SMC5: variants seen among roughly 807,000 people sequenced by gnomAD.
The protein encoded by SMC5 is structural maintenance of chromosomes 5, also known as structural maintenance of chromosomes protein 5.
Under a neutral mutation model 148.3 loss-of-function variants are expected in SMC5, and 88 were observed. That is an observed-to-expected ratio of 0.59 (90% confidence interval 0.50 to 0.71). The LOEUF is 0.71. Ranked by LOEUF, SMC5 falls within the 30% of genes least tolerant of loss-of-function variation. The pLI is 0.00. For missense variants in SMC5, 1,142 were observed against 1,298.9 expected, an observed-to-expected ratio of 0.88 and a Z score of 1.86; for synonymous variants, 421 against 432.8, an observed-to-expected ratio of 0.97 and a Z score of 0.34.
At position 70,344,541 on chromosome 9, in the gene SMC5, C is replaced by T. The variant is rs1408657224; in HGVS notation, c.2523+272C>T. On this transcript the variant is annotated intron_variant, in intron 18 of 24. Coordinates refer to ENST00000361138, the MANE Select transcript of SMC5 (RefSeq NM_015110.4). ...TATAGTTTTTCATGGAAACATTGTACCAGTAATTGGTATATCAGAAATAAT... is the reference window on the plus strand; with the variant it reads ...TATAGTTTTTCATGGAAACATTGTATCAGTAATTGGTATATCAGAAATAAT... The T allele has an allele frequency of 2.5e-5, 4 of 163,156 alleles. No homozygotes were observed. The Admixed American group carries it at 2.6e-4, about 11-fold the overall frequency. The allele number at this position is 163,156 out of a possible 1,614,324, so 10.1% of individuals were successfully genotyped here.
rs2034000950 is a variant in SMC5 at position 70,258,989 on chromosome 9, G to A, written c.-90G>A. The A allele has an allele frequency of 4.9e-6, 7 of 1,426,164 alleles. No individual in the cohort carries two copies. Among genetic ancestry groups the A allele is most frequent in the Non-Finnish European group, 6.5e-6 (7 of 1,076,950 alleles). 88.3% of individuals were successfully genotyped at this position (1,426,164 alleles called of 1,614,324 possible). A position where few individuals can be genotyped will look rare whatever the true frequency, so the allele number is the denominator to read the frequency against. On this transcript the variant is annotated 5_prime_UTR_variant, in exon 1 of 25. Coordinates refer to ENST00000361138, the MANE Select transcript of SMC5 (RefSeq NM_015110.4). ...TAACAGTTCGCGGCAGTTCGCGCGG[G>A]AGCGGGGCGCCTGGGTGGATGGGCG... is the stretch of plus-strand genomic sequence containing the variant.
At chr9:70,321,394 C>CTTTT (rs11390673) in intron 15 of SMC5, among the ~76,000 whole-genome samples, 1 of 135,918 alleles carries the variant, frequency 7.4e-6, no homozygotes, top group South Asian at 2.4e-4. Flanking sequence ...TGTCAAATGT[C>CTTTT]TTTTTTTTTT....
intron 11 of SMC5, among the ~76,000 whole-genome samples, chr9:70,309,339 T>C (rs990750684): frequency 2.9e-3 from 301 of 105,162 alleles, no homozygotes; most frequent in Non-Finnish European, 4.7e-3. Context: ...TTTTTTTTTT[T>C]TTTTTTTTTT....
At position 70,267,859 on chromosome 9, in the gene SMC5, A is replaced by G. The variant is rs142393538; in HGVS notation, c.328-64A>G. 1.4e-4 allele frequency: 197 copies of G among 1,409,222 alleles called. 1 individual carries two copies. The East Asian group carries it at 4.5e-3, about 32-fold the overall frequency. 87.3% of individuals were successfully genotyped at this position (1,409,222 alleles called of 1,614,324 possible). On this transcript the variant is annotated intron_variant, in intron 2 of 24. Coordinates refer to ENST00000361138, the MANE Select transcript of SMC5 (RefSeq NM_015110.4). ...GATTTGACAAATAATAATGACTGCT[A>G]AATCTCTGATTGTTAACCTGGGAAT...
intron 6 of SMC5, among the ~76,000 whole-genome samples, chr9:70,281,835 G>A (rs2118181053): frequency 6.6e-6 from 1 of 151,412 alleles, no homozygotes; most frequent in East Asian, 1.9e-4. Flanking sequence ...TTCTAAGATT[G>A]ATTTACCTTT....
chr9:70,264,047 A>G (rs2034209140), intron 1 of SMC5, among the ~76,000 whole-genome samples: 1 of 152,216 alleles, frequency 6.6e-6, no homozygotes, highest in African/African-American at 2.4e-5. Flanking sequence ...AAAAAGAACA[A>G]GGTATCAAAC....
intron 8 of SMC5, among the ~76,000 whole-genome samples, chr9:70,292,073 C>T (rs2035078192): frequency 1.3e-5 from 2 of 152,136 alleles, no homozygotes; most frequent in Non-Finnish European, 1.5e-5. Flanking sequence ...TTGTTACAAG[C>T]ATTTGGTTAA....
intron 17 of SMC5, among the ~76,000 whole-genome samples, chr9:70,340,126 G>A (rs902254384): frequency 3.3e-5 from 5 of 152,020 alleles, no homozygotes; most frequent in African/African-American, 1.2e-4. Context: ...TCCTTTAAAA[G>A]TGTAGATTTA....
At chr9:70,267,881 G>T (rs762208464) in intron 2 of SMC5, 42 bp from the exon 3 acceptor site, 1 of 1,526,292 alleles carries the variant, frequency 6.6e-7, no homozygotes, top group African/African-American at 1.4e-5. Flanking sequence ...GTTAACCTGG[G>T]AATGTCACTA....
chr9:70,312,290 A>T (rs1043094592), intron 11 of SMC5, among the ~76,000 whole-genome samples: 1 of 152,074 alleles, frequency 6.6e-6, no homozygotes, highest in African/African-American at 2.4e-5. Flanking sequence ...GCAGCAGGAG[A>T]GAGAGAGTGG....
chr9:70,322,618 T>C (rs560915064), intron 15 of SMC5, among the ~76,000 whole-genome samples: 4 of 152,180 alleles, frequency 2.6e-5, no homozygotes, highest in Non-Finnish European at 5.9e-5. Flanking sequence ...CGTGGATCAC[T>C]TGAGGTCAGG....
At chr9:70,309,589 T>G (rs7028657) in intron 11 of SMC5, among the ~76,000 whole-genome samples, 16,062 of 152,054 alleles carry the variant, frequency 0.11, 897 homozygotes, top group East Asian at 0.14. Flanking sequence ...AAGAAACCAT[T>G]TTCTTTGCTC....
chr9:70,323,699 A>G, intron 16 of SMC5, 93 bp downstream of exon 16: 2 of 1,359,658 alleles, frequency 1.5e-6, no homozygotes, highest in East Asian at 2.4e-5. Context: ...GTTTTGATTA[A>G]GGTTTTTGAC....
At chr9:70,282,636 A>T in intron 7 of SMC5, 53 bp downstream of exon 7, 1 of 1,495,714 alleles carries the variant, frequency 6.7e-7, no homozygotes, top group Non-Finnish European at 9.0e-7. Context: ...AGCAAATATA[A>T]AAAATATTTT....
chr9:70,274,422 T>C (rs976921476), intron 3 of SMC5, among the ~76,000 whole-genome samples: 12 of 151,788 alleles, frequency 7.9e-5, no homozygotes, highest in African/African-American at 2.9e-4. Context: ...CCTCTATCTT[T>C]CTTTTGCCTT....
chr9:70,292,671 A>T (rs566267156), intron 8 of SMC5, among the ~76,000 whole-genome samples: 1 of 152,258 alleles, frequency 6.6e-6, no homozygotes, highest in East Asian at 1.9e-4. Flanking sequence ...CAGATTCAGG[A>T]AATTCTTATA....
chr9:70,286,384 C>T, intron 8 of SMC5, 113 bp downstream of exon 8: 1 of 647,946 alleles, frequency 1.5e-6, no homozygotes, highest in Non-Finnish European at 2.7e-6. Context: ...CCTCTGCATT[C>T]TCTATTTCTT....
At chr9:70,312,087 C>T (rs1007143100) in intron 11 of SMC5, 3 of 138,306 alleles carry the variant, frequency 2.2e-5, no homozygotes, top group African/African-American at 8.3e-5. Context: ...CGCCACTGCA[C>T]TCCAGCCTGG....
intron 13 of SMC5, among the ~76,000 whole-genome samples, chr9:70,317,004 G>C (rs2035820143): frequency 1.3e-5 from 2 of 151,810 alleles, no homozygotes; most frequent in South Asian, 4.1e-4. Flanking sequence ...GCCTAACTCA[G>C]TTCTATGTTG....
Sources: allele counts gnomAD v4.1 joint callset (sites outside exome capture counted in the v4.1 genomes callset), GRCh38; gene constraint gnomAD v4.1.1; transcripts MANE v1.5; gene names NCBI Gene and HGNC (gene_info 2026-07-23, HGNC 2026-07-21).